Variants in TAFA1 observed in about 807,000 individuals in gnomAD.
TAFA1 encodes the protein chemokine-like protein TAFA-1.
TAFA1 carries 4 observed loss-of-function variants against 18.5 expected under a neutral mutation model. The ratio of observed to expected loss-of-function variants is 0.22; its 90% CI spans 0.11 to 0.49. The LOEUF (loss-of-function observed/expected upper bound fraction) is 0.49. Among genes scored for constraint, TAFA1 ranks in the 20% least tolerant of loss-of-function variants. The pLI is 0.98. For missense variants in TAFA1, 147 were observed against 169.0 expected, an observed-to-expected ratio of 0.87 and a Z score of 0.72; for synonymous variants, 56 against 55.2, an observed-to-expected ratio of 1.01 and a Z score of -0.06.
At chr3:68,267,254 C>T (rs1220470115) in intron 2 of TAFA1, among the ~76,000 whole-genome samples, 1 of 152,144 alleles carries the variant, frequency 6.6e-6, no homozygotes, top group Non-Finnish European at 1.5e-5. Flanking sequence ...TCATTATTTG[C>T]CAATTTTAAA....
At chr3:68,271,331 C>A (rs1182999540) in intron 2 of TAFA1, among the ~76,000 whole-genome samples, 1 of 152,090 alleles carries the variant, frequency 6.6e-6, no homozygotes, top group Non-Finnish European at 1.5e-5. Context: ...ATTTCACAGG[C>A]CTGGCTTTGC....
intron 2 of TAFA1, among the ~76,000 whole-genome samples, chr3:68,037,114 G>C (rs914839061): frequency 6.6e-6 from 1 of 152,130 alleles, no homozygotes; most frequent in African/African-American, 2.4e-5. Flanking sequence ...AATAATGGTA[G>C]CTGTGCTAAG....
chr3:68,099,050 A>G (rs1202004099), intron 2 of TAFA1, among the ~76,000 whole-genome samples: 1 of 152,210 alleles, frequency 6.6e-6, no homozygotes, highest in Non-Finnish European at 1.5e-5. Flanking sequence ...AACTGTAAAA[A>G]TCTTATAAGA....
intron 3 of TAFA1, among the ~76,000 whole-genome samples, chr3:68,493,645 G>T (rs1042752888): frequency 4.6e-5 from 7 of 152,166 alleles, no homozygotes; most frequent in African/African-American, 1.7e-4. Flanking sequence ...ACCAACACTT[G>T]TTATTTATTT....
intron 3 of TAFA1, among the ~76,000 whole-genome samples, chr3:68,477,412 T>A (rs1457468607): frequency 1.3e-5 from 2 of 152,318 alleles, no homozygotes; most frequent in East Asian, 3.9e-4. Context: ...TTTGCTTTTG[T>A]CGCCCAGGCT....
In TAFA1 at chr3:68,453,901, G is replaced by T. The variant is rs2071610401; in HGVS notation, c.259+36481G>T. 2.6e-5 allele frequency among the ~76,000 whole-genome samples: 4 copies of T among 152,220 alleles called. No individual in the cohort carries two copies. The South Asian group carries it at 8.3e-4, about 32-fold the overall frequency. The stretch of plus-strand genomic sequence containing the variant: ...AGTAACTTCTAGGGCCTCTCACCTT[G>T]ACACTCTGCTGGAAATCTGAACTTC... On this transcript the variant is annotated intron_variant, in intron 3 of 4. Coordinates refer to ENST00000478136, the MANE Select transcript of TAFA1 (RefSeq NM_213609.4).
chr3:68,251,491 A>G (rs2067194775), intron 2 of TAFA1, among the ~76,000 whole-genome samples: 2 of 152,334 alleles, frequency 1.3e-5, no homozygotes, highest in South Asian at 4.1e-4. Context: ...TGCTATGGAT[A>G]TAGCAATGAA....
At chr3:68,267,699 A>T (rs115787995) in intron 2 of TAFA1, among the ~76,000 whole-genome samples, 1,972 of 152,194 alleles carry the variant, frequency 0.013, 46 homozygotes, top group African/African-American at 0.045. Context: ...ATTTAAGGGA[A>T]TGAAAAGATA....
At chr3:68,290,914 C>CT (rs1165287479) in intron 2 of TAFA1, among the ~76,000 whole-genome samples, 1 of 150,494 alleles carries the variant, frequency 6.6e-6, no homozygotes, top group Non-Finnish European at 1.5e-5. Flanking sequence ...AAAAAAAACT[C>CT]TTTTTTCCTC....
At chr3:68,290,395 C>A (rs2068085348) in intron 2 of TAFA1, among the ~76,000 whole-genome samples, 1 of 152,102 alleles carries the variant, frequency 6.6e-6, no homozygotes, top group Admixed American at 6.6e-5. Flanking sequence ...TCACATCTGT[C>A]TATTTCTGTA....
chr3:68,295,040 C>T (rs2068183169), intron 2 of TAFA1, among the ~76,000 whole-genome samples: 1 of 152,086 alleles, frequency 6.6e-6, no homozygotes, highest in African/African-American at 2.4e-5. Flanking sequence ...CCCATTTGCT[C>T]TCTGTCTTTG....
intron 2 of TAFA1, among the ~76,000 whole-genome samples, chr3:68,168,536 A>G (rs540849585): frequency 6.6e-6 from 1 of 152,354 alleles, no homozygotes; most frequent in African/African-American, 2.4e-5. Context: ...TCTTAATTCT[A>G]TTCCAGTCTA....
intron 2 of TAFA1, among the ~76,000 whole-genome samples, chr3:68,095,119 T>C (rs1035421312): frequency 2.6e-5 from 4 of 152,116 alleles, no homozygotes; most frequent in African/African-American, 7.2e-5. Flanking sequence ...AGAGATCTGA[T>C]TGGCTGTTTT....
intron 2 of TAFA1, among the ~76,000 whole-genome samples, chr3:68,085,735 A>G (rs1031278138): frequency 6.6e-6 from 1 of 152,206 alleles, no homozygotes; most frequent in East Asian, 1.9e-4. Flanking sequence ...AATCACTGGA[A>G]CTACCTAGCC....
rs550925040 is a variant in TAFA1, at chr3:68,464,716, G to A, written c.259+47296G>A. 2.0e-5 allele frequency among the ~76,000 whole-genome samples: 3 copies of A among 152,274 alleles called. No individual in the cohort carries two copies. In the South Asian group the frequency reaches 6.2e-4, roughly 32 times the overall value. On this transcript the variant is annotated intron_variant, in intron 3 of 4. Transcript: ENST00000478136. ...TGACATTATATGATTTGTTTAAAAA[G>A]TAATGTAGCCAATGCCTGCTGTTGG... is the stretch of plus-strand genomic sequence containing the variant.
chr3:68,064,595 G>A (rs971937896), intron 2 of TAFA1, among the ~76,000 whole-genome samples: 1 of 152,064 alleles, frequency 6.6e-6, no homozygotes, highest in Admixed American at 6.5e-5. Flanking sequence ...ACGGTAATCC[G>A]GACTTCCTAC....
At chr3:68,109,575 G>C (rs1156593634) in intron 2 of TAFA1, among the ~76,000 whole-genome samples, 1 of 152,152 alleles carries the variant, frequency 6.6e-6, no homozygotes, top group Non-Finnish European at 1.5e-5. Context: ...TAGCTGAAAT[G>C]ATGAGTGAAG....
intron 3 of TAFA1, among the ~76,000 whole-genome samples, chr3:68,502,021 C>T (rs17184043): frequency 0.13 from 20,328 of 152,176 alleles, 1,752 homozygotes; most frequent in Non-Finnish European, 0.19. Flanking sequence ...GAAACCCAAT[C>T]ATTCAAGCTG....
rs527349551 is a variant in TAFA1, at chr3:68,516,518, A to G, written c.260-22238A>G. On this transcript the variant is annotated intron_variant, in intron 3 of 4. Transcript: ENST00000478136. ...ATAGTTTCCTTTGTGTATATTTTCA[A>G]TTAATGTGCTTAGTTCTTGAATTGG... 5.2e-4 allele frequency among the ~76,000 whole-genome samples: 79 copies of G among 152,264 alleles called. 1 individual carries two copies. The South Asian group carries it at 0.016, about 31-fold the overall frequency.
Sources: allele counts gnomAD v4.1 joint callset (sites outside exome capture counted in the v4.1 genomes callset), GRCh38; gene constraint gnomAD v4.1.1; transcripts MANE v1.5; gene names NCBI Gene and HGNC (gene_info 2026-07-23, HGNC 2026-07-21).